Variants in TBCK observed in about 807,000 individuals in gnomAD.
The protein encoded by TBCK is TBC domain-containing protein kinase-like protein.
TBCK carries 99 observed loss-of-function variants against 113.4 expected under a neutral mutation model. The ratio of observed to expected loss-of-function variants is 0.87; its 90% CI spans 0.74 to 1.03. The LOEUF (loss-of-function observed/expected upper bound fraction) is 1.03. Among genes scored for constraint, TBCK ranks in the 50% least tolerant of loss-of-function variants. The pLI is 0.00. For synonymous variants in TBCK, 369 were observed against 370.8 expected, an observed-to-expected ratio of 1.00 and a Z score of 0.05; for missense variants, 1,045 against 1,061.3, an observed-to-expected ratio of 0.98 and a Z score of 0.21.
chr4:106,217,940 G>C (rs1425245618), intron 19 of TBCK, among the ~76,000 whole-genome samples: 5 of 144,206 alleles, frequency 3.5e-5, no homozygotes, highest in Non-Finnish European at 7.7e-5. Flanking sequence ...AACAAAGCTG[G>C]AGGCATCACG....
intron 5 of TBCK, among the ~76,000 whole-genome samples, chr4:106,254,018 C>T (rs1304878920): frequency 6.6e-6 from 1 of 152,170 alleles, no homozygotes; most frequent in African/African-American, 2.4e-5. Flanking sequence ...CTTCTTCCAG[C>T]AACAAAAATA....
chr4:106,110,758 G>A (rs1742750818), intron 24 of TBCK, among the ~76,000 whole-genome samples: 1 of 152,112 alleles, frequency 6.6e-6, no homozygotes, highest in Non-Finnish European at 1.5e-5. Flanking sequence ...AAAAAGGGAA[G>A]GGAGGAAGAA....
chr4:106,050,567 T>C (rs947349244), intron 25 of TBCK, among the ~76,000 whole-genome samples: 1 of 152,054 alleles, frequency 6.6e-6, no homozygotes, highest in African/African-American at 2.4e-5. Context: ...TCTTTCTAAA[T>C]TAAGCAATAT....
At chr4:106,236,186 A>G (rs886562225) in intron 14 of TBCK, among the ~76,000 whole-genome samples, 3 of 151,922 alleles carry the variant, frequency 2.0e-5, no homozygotes, top group African/African-American at 4.8e-5. Flanking sequence ...ATGATTTTGC[A>G]TATGTTACCA....
chr4:106,289,414 A>C (rs1244995862), intron 3 of TBCK, among the ~76,000 whole-genome samples: 1 of 152,242 alleles, frequency 6.6e-6, no homozygotes, highest in East Asian at 1.9e-4. Flanking sequence ...TCTACCATTT[A>C]AACAAAGAGC....
At chr4:106,235,430 C>A in intron 14 of TBCK, 63 bp from the exon 15 acceptor site, 1 of 1,153,464 alleles carries the variant, frequency 8.7e-7, no homozygotes, top group South Asian at 1.5e-5. Context: ...TTAGTCTAGA[C>A]AGTTCTGAAT....
At chr4:106,231,415 T>G (rs913369776) in intron 18 of TBCK, among the ~76,000 whole-genome samples, 2 of 151,690 alleles carry the variant, frequency 1.3e-5, no homozygotes, top group Non-Finnish European at 3.0e-5. Context: ...AGATGCAAGG[T>G]TATGGAAAAG....
At chr4:106,229,779 G>A (rs979749421) in intron 19 of TBCK, among the ~76,000 whole-genome samples, 8 of 151,516 alleles carry the variant, frequency 5.3e-5, no homozygotes, top group East Asian at 1.9e-4. Context: ...CTAAATCTGC[G>A]TATTTTTAAC....
chr4:106,242,958 C>A (rs1027942286), intron 11 of TBCK, among the ~76,000 whole-genome samples: 2 of 148,116 alleles, frequency 1.4e-5, no homozygotes, highest in Non-Finnish European at 3.0e-5. Context: ...TGAGAATATG[C>A]GGTGTTTGGT....
chr4:106,309,305 CTTTTTTTTTTT>C (rs536969885), intron 1 of TBCK, among the ~76,000 whole-genome samples: 3 of 103,164 alleles, frequency 2.9e-5, no homozygotes, highest in African/African-American at 8.1e-5. Flanking sequence ...AGGCTCTTCT[CTTTTTTTTTTT>C]TTTTTTTTTT....
chr4:106,241,788 T>C (rs1347536930), intron 12 of TBCK, among the ~76,000 whole-genome samples: 1 of 151,948 alleles, frequency 6.6e-6, no homozygotes, highest in African/African-American at 2.4e-5. Context: ...TAAGGAAATA[T>C]ATAAAAACAT....
chr4:106,283,859 A>G (rs747520267), intron 3 of TBCK, among the ~76,000 whole-genome samples: 2 of 152,172 alleles, frequency 1.3e-5, no homozygotes, highest in Non-Finnish European at 2.9e-5. Flanking sequence ...GGACTGAAGT[A>G]TGGCTGAAGC....
chr4:106,130,189 C>T (rs1457655501), intron 23 of TBCK, among the ~76,000 whole-genome samples: 1 of 152,062 alleles, frequency 6.6e-6, no homozygotes, highest in Non-Finnish European at 1.5e-5. Context: ...GAAAGAGATA[C>T]CTAGTGAATG....
chr4:106,189,825 C>A (rs902469605), intron 22 of TBCK, among the ~76,000 whole-genome samples: 24 of 151,934 alleles, frequency 1.6e-4, no homozygotes, highest in Non-Finnish European at 2.9e-4. Context: ...TCTTTGTCTA[C>A]CTCTCCATTC....
chr4:106,153,662 GTGT>G (rs1245414583), intron 23 of TBCK, among the ~76,000 whole-genome samples: 1 of 152,110 alleles, frequency 6.6e-6, no homozygotes, highest in African/African-American at 2.4e-5. Flanking sequence ...TGAAACAAGA[GTGT>G]TGAAGTCTCC....
At chr4:106,293,529 C>A (rs1308655599) in intron 3 of TBCK, among the ~76,000 whole-genome samples, 1 of 152,098 alleles carries the variant, frequency 6.6e-6, no homozygotes, top group Non-Finnish European at 1.5e-5. Flanking sequence ...CCAAAATCAT[C>A]CCTCCACCCT....
chr4:106,105,615 T>C (rs1483626999), intron 24 of TBCK, among the ~76,000 whole-genome samples: 2 of 152,238 alleles, frequency 1.3e-5, no homozygotes, highest in African/African-American at 2.4e-5. Flanking sequence ...TGTCACCTGC[T>C]GGATAAACCC....
At chr4:106,308,647 G>T in intron 2 of TBCK, 121 bp downstream of exon 2, 2 of 881,072 alleles carry the variant, frequency 2.3e-6, no homozygotes, top group Non-Finnish European at 3.4e-6. Flanking sequence ...AAGGATGAGA[G>T]AAAGAAGGAC....
chr4:106,238,554 A>G (rs1759729837), intron 12 of TBCK: 1 of 152,098 alleles, frequency 6.6e-6, no homozygotes, highest in African/African-American at 2.4e-5. Context: ...TAAAGAAAAA[A>G]CTAGGGGAAT....
Sources: gnomAD v4.1 joint callset for allele counts (sites outside exome capture counted in the v4.1 genomes callset) on GRCh38, gnomAD v4.1.1 for gene constraint, MANE v1.5 for transcripts, NCBI Gene and HGNC (gene_info 2026-07-23, HGNC 2026-07-21) for gene names.